GALE: variants seen among roughly 807,000 people sequenced by gnomAD.
GALE encodes the protein UDP-galactose-4-epimerase.
A neutral mutation model predicts 44.1 loss-of-function variants in GALE; 32 were observed. The observed-to-expected ratio is 0.73, with a 90% CI of 0.55 to 0.97. The LOEUF is 0.97. Among genes scored for constraint, GALE ranks in the 50% least tolerant of loss-of-function variants. The pLI, the probability that GALE is intolerant of heterozygous loss-of-function variation, is 0.00. For synonymous variants in GALE, 182 were observed against 183.5 expected, an observed-to-expected ratio of 0.99 and a Z score of 0.06; for missense variants, 423 against 455.6, an observed-to-expected ratio of 0.93 and a Z score of 0.65.
At position 23,798,197 on chromosome 1, in the gene GALE, G is replaced by A. The variant is rs1160017174; in HGVS notation, c.271C>T (p.Leu91Phe). The change falls in exon 5 of 12, where the codon CTC becomes TTC. Residue 91 changes from leucine to phenylalanine, a missense_variant. Physicochemically the swap from Leu to Phe is conservative, Grantham distance 22. Transcript: ENST00000617979. The surrounding 1 kb of genome is among the most constrained non-coding windows in gnomAD (Gnocchi z 4.5). Reference sequence around the variant, plus strand: ...TGCACCGACTCGCCCACGGCCTTGAGCCCCGCAAAGTGGATGACCGCCATA... The same window carrying A: ...TGCACCGACTCGCCCACGGCCTTGAACCCCGCAAAGTGGATGACCGCCATA... ...SFMAVIHFAG[L>F]KAVGESVQKP... 1 of 1,614,016 alleles carries A rather than the reference G, an allele frequency of 6.2e-7. No homozygotes were observed. Among genetic ancestry groups the A allele is most frequent in the Non-Finnish European group, 8.5e-7 (1 of 1,179,994 alleles).
At position 23,796,587 on chromosome 1, in the gene GALE, C is replaced by G; in HGVS notation, c.796-1G>C. ...CTGTGCCCGTGCCCAGGTTGTAGATCTGGCCCACGGAGAACAGGGTTTATG... is the reference window on the plus strand; with the variant it reads ...CTGTGCCCGTGCCCAGGTTGTAGATGTGGCCCACGGAGAACAGGGTTTATG... On this transcript the variant is annotated splice_acceptor_variant, in intron 9 of 11. Coordinates refer to ENST00000617979, the MANE Select transcript of GALE (RefSeq NM_001008216.2). LOFTEE classifies it high-confidence loss of function. The surrounding 1 kb of genome is among the most constrained non-coding windows in gnomAD (Gnocchi z 5.2). 1 of 1,614,134 alleles carries G rather than the reference C, an allele frequency of 6.2e-7. No individual in the cohort carries two copies. Among genetic ancestry groups the G allele is most frequent in the Non-Finnish European group, 8.5e-7 (1 of 1,180,030 alleles).
At position 23,800,694 on chromosome 1, in the gene GALE, T is replaced by G. The variant is rs1208322588; in HGVS notation, c.-77+18A>C. 1.3e-5 allele frequency: 2 copies of G among 152,190 alleles called. No homozygotes were observed. Among genetic ancestry groups the G allele is most frequent in the Non-Finnish European group, 2.9e-5 (2 of 68,060 alleles). The allele number at this position is 152,190 out of a possible 1,614,324, so 9.4% of individuals were successfully genotyped here. On this transcript the variant is annotated intron_variant, in intron 1 of 11. Coordinates refer to ENST00000617979, the MANE Select transcript of GALE (RefSeq NM_001008216.2). ...GCCCCTCGCGAGCCCACCCGGCCCT[T>G]CATTCCGTCTCCCGAACCTGCTCGG...
In GALE at chr1:23,798,703, C is replaced by T. The variant is rs752083761; in HGVS notation, c.149G>A (p.Arg50Gln). The T allele has an allele frequency of 1.9e-5, 30 of 1,613,910 alleles. No homozygotes were observed. The highest frequency in any genetic ancestry group is 1.6e-4 in the Middle Eastern group (1 of 6,084). Residue 50 changes from arginine (R) to glutamine (Q), a missense_variant, in exon 4 of 12, where the codon CGG (arginine) becomes CAG (glutamine). By Grantham distance (43) the Arg-to-Gln change is conservative (BLOSUM62 1). Coordinates refer to ENST00000617979, the MANE Select transcript of GALE (RefSeq NM_001008216.2). The surrounding 1 kb of genome is among the most constrained non-coding windows in gnomAD (Gnocchi z 4.5). ...GCGGCCTGTCAGCTCCTGGACCCGC[C>T]GCAGGCTCTCAGGCAGGGAGCCCCC... ...RGGGSLPESL[R>Q]RVQELTGRSV...
Position 23,798,291 on chromosome 1 carries a change from G to A in GALE, c.238-61C>T. ...GTTTTAGTCCTTGGCAATGCCCTCA[G>A]CCTGCCTGCCTGCACTCACCTTTTT... On this transcript the variant is annotated intron_variant, in intron 4 of 11. Coordinates refer to ENST00000617979, the MANE Select transcript of GALE (RefSeq NM_001008216.2). This position sits in a 1 kb window ranked among gnomAD's most constrained non-coding sequence, Gnocchi z 4.5. The A allele has an allele frequency of 8.7e-7, 1 of 1,152,178 alleles. No individual in the cohort carries two copies. Among genetic ancestry groups the A allele is most frequent in the Non-Finnish European group, 1.3e-6 (1 of 765,568 alleles). 71.4% of individuals were successfully genotyped at this position (1,152,178 alleles called of 1,614,324 possible).
At chr1:23,797,645 G>A in intron 6 of GALE, 50 bp downstream of exon 6, 1 of 1,576,872 alleles carries the variant, frequency 6.3e-7, no homozygotes, top group Non-Finnish European at 8.7e-7. Flanking sequence ...GGTGGGCCCT[G>A]AGGAGTCCAT....
In GALE at chr1:23,798,818, T is replaced by C. The variant is rs1639045697; in HGVS notation, c.121+69A>G. On this transcript the variant is annotated intron_variant, in intron 3 of 11. Transcript: ENST00000617979. This position sits in a 1 kb window ranked among gnomAD's most constrained non-coding sequence, Gnocchi z 4.5. The stretch of plus-strand genomic sequence containing the variant: ...CAGACACACATTCCCCGCCCGGTGG[T>C]GGAGGTGGAACCCAGGGTTTTGCTT... The C allele has an allele frequency of 1.9e-6, 3 of 1,612,744 alleles. No homozygotes were observed. The highest frequency in any genetic ancestry group is 8.5e-7 in the Non-Finnish European group (1 of 1,178,880).
chr1:23,798,133 G>A lies in GALE; in HGVS notation c.335C>T (p.Thr112Ile), dbSNP rs1412310127. 7 of 1,613,754 alleles carry A rather than the reference G, an allele frequency of 4.3e-6. No homozygotes were observed. The highest frequency in any genetic ancestry group is 1.7e-5 in the Admixed American group (1 of 60,028). Residue 112 changes from threonine to isoleucine, a missense_variant, in exon 5 of 12, where the codon ACC becomes ATC. Transcript: ENST00000617979. The surrounding 1 kb of genome is among the most constrained non-coding windows in gnomAD (Gnocchi z 4.5). Reference sequence around the variant, plus strand: ...GCCTCTCACCTCCAGAAGCTGGATGGTCCCGGTCAGGTTAACTCTGTAATA... The same window carrying A: ...GCCTCTCACCTCCAGAAGCTGGATGATCCCGGTCAGGTTAACTCTGTAATA... The part of the protein sequence containing the change: ...LDYYRVNLTG[T>I]IQLLEIMKAH...
chr1:23,796,832 C>G lies in GALE; in HGVS notation c.709+44G>C, dbSNP rs371998400. On this transcript the variant is annotated intron_variant, in intron 8 of 11. Transcript: ENST00000617979. This position sits in a 1 kb window ranked among gnomAD's most constrained non-coding sequence, Gnocchi z 5.2. ...TGGGGAGTCTGTTCCCCCTGACTCTCCTTCCTGGCTCCCACTCCTAGGTCC... is the reference window on the plus strand; with the variant it reads ...TGGGGAGTCTGTTCCCCCTGACTCTGCTTCCTGGCTCCCACTCCTAGGTCC... The G allele has an allele frequency of 1.8e-5, 29 of 1,609,020 alleles. No homozygotes were observed. In the African/African-American group the frequency reaches 3.2e-4, roughly 18 times the overall value.
chr1:23,796,469 GGGGTGAGGT>G lies in GALE; in HGVS notation c.873+31_873+39del, dbSNP rs761650718. Reference sequence around the variant, plus strand: ...GCTGCTCTGTTGCTGAGAGCTGGGTGGGGTGAGGTGGGTGAGGTGGGTGGGGCGGGGGGG... The same window carrying G: ...GCTGCTCTGTTGCTGAGAGCTGGGTGGGGTGAGGTGGGTGGGGCGGGGGGG... On this transcript the variant is annotated intron_variant, in intron 10 of 11. Transcript: ENST00000617979. The surrounding 1 kb of genome is among the most constrained non-coding windows in gnomAD (Gnocchi z 5.2). 37 of 1,596,680 alleles carry G rather than the reference GGGGTGAGGT, an allele frequency of 2.3e-5. No individual in the cohort carries two copies. The highest frequency in any genetic ancestry group is 5.0e-5 in the Admixed American group (3 of 59,904).
At position 23,796,148 on chromosome 1, in the gene GALE, C is replaced by T. The variant is rs1372206499; in HGVS notation, c.988+3G>A. On this transcript the variant is annotated splice_donor_region_variant and intron_variant, in intron 11 of 11. Coordinates refer to ENST00000617979, the MANE Select transcript of GALE (RefSeq NM_001008216.2). This position sits in a 1 kb window ranked among gnomAD's most constrained non-coding sequence, Gnocchi z 5.2. ...TAACTGCAGGGGTCAGGCCAGCACT[C>T]ACACATCCTGTCCAGCCCTAAGGCT... 6.2e-7 allele frequency: 1 copy of T among 1,612,536 alleles called. No individual in the cohort carries two copies. Among genetic ancestry groups the T allele is most frequent in the East Asian group, 2.2e-5 (1 of 44,876 alleles).
rs1638968789 is a variant in GALE at position 23,796,744 on chromosome 1, C to T, written c.748G>A (p.Gly250Ser). The T allele has an allele frequency of 6.2e-7, 1 of 1,612,600 alleles. No homozygotes were observed. Among genetic ancestry groups the T allele is most frequent in the Non-Finnish European group, 8.5e-7 (1 of 1,179,334 alleles). Residue 250 changes from glycine (G) to serine (S), a missense_variant, in exon 9 of 12, where the codon GGC (glycine) becomes AGC (serine). Physicochemically the swap from Gly to Ser is moderately conservative, Grantham distance 56. Transcript: ENST00000617979. This position sits in a 1 kb window ranked among gnomAD's most constrained non-coding sequence, Gnocchi z 5.2. ...DYIHVVDLAKGHIAALRKLKE... is the reference protein window; with the variant it reads ...DYIHVVDLAKSHIAALRKLKE... The stretch of plus-strand genomic sequence containing the variant: ...AGCTTCCTTAAGGCTGCAATGTGGC[C>T]CTTGGCCAGATCCACGACATGGATG...
rs78739056 is a variant in GALE at position 23,796,640 on chromosome 1, G to A, written c.796-54C>T. 7.2e-3 allele frequency: 11,559 copies of A among 1,614,002 alleles called. 52 individuals are homozygous for A. The highest frequency in any genetic ancestry group is 0.012 in the Middle Eastern group (75 of 6,062). ...GCGGGCTGGACTGACCACGCCTCTG[G>A]GCCGCTCTGCCTGGATCTGGTCCCT... On this transcript the variant is annotated intron_variant, in intron 9 of 11. Coordinates refer to ENST00000617979, the MANE Select transcript of GALE (RefSeq NM_001008216.2). This position sits in a 1 kb window ranked among gnomAD's most constrained non-coding sequence, Gnocchi z 5.2.
In GALE at chr1:23,796,523, C is replaced by G; in HGVS notation, c.859G>C (p.Ala287Pro). ...VLQMVQAMEK[A>P]SGKKIPYKVV... ...GGGGGGCCTACCTTCTTCCCAGAGG[C>G]CTTCTCCATAGCCTGGACCATCTGC... is the stretch of plus-strand genomic sequence containing the variant. Residue 287 changes from alanine to proline, a missense_variant, in exon 10 of 12, where the codon GCC becomes CCC. Coordinates refer to ENST00000617979, the MANE Select transcript of GALE (RefSeq NM_001008216.2). The surrounding 1 kb of genome is among the most constrained non-coding windows in gnomAD (Gnocchi z 5.2). The G allele has an allele frequency of 6.2e-7, 1 of 1,613,382 alleles. No homozygotes were observed. The highest frequency in any genetic ancestry group is 8.5e-7 in the Non-Finnish European group (1 of 1,179,986).
At chr1:23,799,134 A>C in intron 2 of GALE, 122 bp from the exon 3 acceptor site, 1 of 1,356,636 alleles carries the variant, frequency 7.4e-7, no homozygotes. Context: ...TAGGTACCAG[A>C]CTGGCTCAGA....
rs1337081816 is a variant in GALE at position 23,798,569 on chromosome 1, GTGCTGGAA to G, written c.237+38_237+45del. 3.6e-6 allele frequency: 5 copies of G among 1,397,296 alleles called. No individual in the cohort carries two copies. In the African/African-American group the frequency reaches 7.1e-5, roughly 20 times the overall value. The allele number at this position is 1,397,296 out of a possible 1,614,324, so 86.6% of individuals were successfully genotyped here. A position where few individuals can be genotyped will look rare whatever the true frequency, so the allele number is the denominator to read the frequency against. On this transcript the variant is annotated intron_variant, in intron 4 of 11. Coordinates refer to ENST00000617979, the MANE Select transcript of GALE (RefSeq NM_001008216.2). This position sits in a 1 kb window ranked among gnomAD's most constrained non-coding sequence, Gnocchi z 4.5. ...GATCTCCTCACCTCGGCCTTCCAAA[GTGCTGGAA>G]TTACAGGCGTGAGCCACCGTGCCCA...
At position 23,796,385 on chromosome 1, in the gene GALE, G is replaced by A. The variant is rs1323100506; in HGVS notation, c.874-120C>T. 11 of 1,425,076 alleles carry A rather than the reference G, an allele frequency of 7.7e-6. No individual in the cohort carries two copies. The highest frequency in any genetic ancestry group is 9.9e-6 in the Non-Finnish European group (10 of 1,013,406). The allele number at this position is 1,425,076 out of a possible 1,614,324, so 88.3% of individuals were successfully genotyped here. A position where few individuals can be genotyped will look rare whatever the true frequency, so the allele number is the denominator to read the frequency against. On this transcript the variant is annotated intron_variant, in intron 10 of 11. Coordinates refer to ENST00000617979, the MANE Select transcript of GALE (RefSeq NM_001008216.2). The surrounding 1 kb of genome is among the most constrained non-coding windows in gnomAD (Gnocchi z 5.2). The stretch of plus-strand genomic sequence containing the variant: ...GCCCGCAGGCACCGGGTGCTAGGCA[G>A]GCTGAGGAGACTGGGCAGTGCCAGG...
At position 23,795,959 on chromosome 1, in the gene GALE, G is replaced by C. The variant is rs367879744; in HGVS notation, c.1037C>G (p.Thr346Arg). The part of the protein sequence containing the change: ...WQKQNPSGFG[T>R]QA ...GGTAGGGGAGGGTCCTCAGGCTTGC[G>C]TGCCAAAGCCTGAAGGATTCTGCTT... Residue 346 changes from threonine to arginine, a missense_variant, in exon 12 of 12, where the codon ACG becomes AGG. By Grantham distance (71) the Thr-to-Arg change is moderately conservative (BLOSUM62 -1). Coordinates refer to ENST00000617979, the MANE Select transcript of GALE (RefSeq NM_001008216.2). 3 of 1,613,798 alleles carry C rather than the reference G, an allele frequency of 1.9e-6. No homozygotes were observed. Among genetic ancestry groups the C allele is most frequent in the African/African-American group, 2.7e-5 (2 of 74,906 alleles).
chr1:23,796,401 C>G lies in GALE; in HGVS notation c.873+108G>C. On this transcript the variant is annotated intron_variant, in intron 10 of 11. Transcript: ENST00000617979. The surrounding 1 kb of genome is among the most constrained non-coding windows in gnomAD (Gnocchi z 5.2). ...TGCTAGGCAGGCTGAGGAGACTGGG[C>G]AGTGCCAGGTACCCTCCAGAGAGGT... 7.0e-7 allele frequency: 1 copy of G among 1,427,736 alleles called. No homozygotes were observed. Among genetic ancestry groups the G allele is most frequent in the South Asian group, 1.2e-5 (1 of 86,244 alleles). 88.4% of individuals were successfully genotyped at this position (1,427,736 alleles called of 1,614,324 possible). A position where few individuals can be genotyped will look rare whatever the true frequency, so the allele number is the denominator to read the frequency against.
rs6692104 is a variant in GALE at position 23,796,862 on chromosome 1, G to C, written c.709+14C>G. The C allele has an allele frequency of 3.3e-3, 5,252 of 1,612,806 alleles. 129 individuals are homozygous for C. In the African/African-American group the frequency reaches 0.058, roughly 18 times the overall value. On this transcript the variant is annotated intron_variant, in intron 8 of 11. Transcript: ENST00000617979. The surrounding 1 kb of genome is among the most constrained non-coding windows in gnomAD (Gnocchi z 5.2). The stretch of plus-strand genomic sequence containing the variant: ...CTGGCTCCCACTCCTAGGTCCCCCT[G>C]GTCCTAGGCTCACCTGTGCCATCCT...
Sources: allele counts gnomAD v4.1 joint callset, GRCh38; gene constraint gnomAD v4.1.1; non-coding constraint Gnocchi (gnomAD v3.1); transcripts MANE v1.5; gene names NCBI Gene and HGNC (gene_info 2026-07-23, HGNC 2026-07-21).